Variants in PLCB4 observed in about 807,000 individuals in gnomAD.
PLCB4 encodes the protein 1-phosphatidylinositol 4,5-bisphosphate phosphodiesterase beta-4.
Under a neutral mutation model 178.8 loss-of-function variants are expected in PLCB4, and 77 were observed. The ratio of observed to expected loss-of-function variants is 0.43; its 90% CI spans 0.36 to 0.52. PLCB4 has a LOEUF of 0.52. PLCB4 is among the 20% of genes least tolerant of loss of function. The probability of loss-of-function intolerance (pLI) is 0.00; values close to 1 mark genes in which losing one functional copy is unlikely to be tolerated. For synonymous variants in PLCB4, 496 were observed against 490.8 expected (o/e 1.01, Z -0.14); for missense variants, 1,024 against 1,453.4 (o/e 0.70, Z 4.80).
At chr20:9,160,188 G>T (rs892283191) in intron 2 of PLCB4, among the ~76,000 whole-genome samples, 6 of 151,748 alleles carry the variant, frequency 4.0e-5, no homozygotes, top group Admixed American at 2.0e-4. Context: ...CTGGGAGTGT[G>T]GGGGGTGGGT....
chr20:9,150,045 A>G (rs763989998), intron 2 of PLCB4, among the ~76,000 whole-genome samples: 3 of 152,208 alleles, frequency 2.0e-5, no homozygotes, highest in Non-Finnish European at 2.9e-5. Context: ...GAGGACTGAC[A>G]GTTGAGGGCA....
intron 2 of PLCB4, among the ~76,000 whole-genome samples, chr20:9,143,628 T>A: frequency 6.6e-6 from 1 of 152,240 alleles, no homozygotes; most frequent in East Asian, 1.9e-4. Context: ...GAATTCACAT[T>A]GCAGTTTGGC....
At chr20:9,174,021 G>A (rs533931022) in intron 2 of PLCB4, among the ~76,000 whole-genome samples, 7 of 152,224 alleles carry the variant, frequency 4.6e-5, no homozygotes, top group African/African-American at 1.2e-4. Context: ...ACAAATTACC[G>A]TATCTAGGTA....
intron 1 of PLCB4, among the ~76,000 whole-genome samples, chr20:9,094,412 A>G (rs551478115): frequency 2.0e-5 from 3 of 151,982 alleles, no homozygotes; most frequent in Non-Finnish European, 2.9e-5. Context: ...TGCCTAAAGT[A>G]TTTCTTTTTT....
chr20:9,132,398 A>G (rs945265608), intron 2 of PLCB4, among the ~76,000 whole-genome samples: 1 of 152,158 alleles, frequency 6.6e-6, no homozygotes, highest in Admixed American at 6.5e-5. Flanking sequence ...TAAGGAAGCT[A>G]CCTTTAAGAG....
chr20:9,076,817 G>A (rs2089892187), intron 1 of PLCB4, among the ~76,000 whole-genome samples: 1 of 118,528 alleles, frequency 8.4e-6, no homozygotes, highest in Non-Finnish European at 1.8e-5. Context: ...AGCCCTCTCT[G>A]GGATTTCTTT....
intron 3 of PLCB4, among the ~76,000 whole-genome samples, chr20:9,268,397 T>C (rs2147601248): frequency 6.6e-6 from 1 of 152,296 alleles, no homozygotes; most frequent in East Asian, 1.9e-4. Flanking sequence ...ATTCCAAACA[T>C]AGCAGAATAA....
intron 14 of PLCB4, among the ~76,000 whole-genome samples, chr20:9,386,559 T>A (rs756913778): frequency 6.6e-6 from 1 of 152,116 alleles, no homozygotes; most frequent in Non-Finnish European, 1.5e-5. Flanking sequence ...TTTGCAAACT[T>A]CCTCTGAATA....
At chr20:9,293,430 AC>A (rs2094599971) in intron 3 of PLCB4, among the ~76,000 whole-genome samples, 1 of 151,282 alleles carries the variant, frequency 6.6e-6, no homozygotes, top group African/African-American at 2.4e-5. Flanking sequence ...GGAAGAAGTC[AC>A]TGCACTCCAG....
intron 2 of PLCB4, among the ~76,000 whole-genome samples, chr20:9,209,376 C>T (rs2093648297): frequency 6.6e-6 from 1 of 151,928 alleles, no homozygotes; most frequent in African/African-American, 2.4e-5. Flanking sequence ...CTAAGGTGGC[C>T]CCCCGAGACT....
At chr20:9,390,689 A>G (rs541209672) in intron 17 of PLCB4, 74 bp downstream of exon 17, 2 of 703,812 alleles carry the variant, frequency 2.8e-6, no homozygotes, top group Non-Finnish European at 5.2e-6. Context: ...GTCAAGTAGT[A>G]CTAGAGGACT....
At chr20:9,409,701 A>T (rs998092190) in intron 24 of PLCB4, among the ~76,000 whole-genome samples, 7 of 152,246 alleles carry the variant, frequency 4.6e-5, no homozygotes, top group African/African-American at 1.7e-4. Context: ...TTGAAGAGGT[A>T]CTAATCTATA....
intron 2 of PLCB4, among the ~76,000 whole-genome samples, chr20:9,158,548 C>T (rs902778795): frequency 3.3e-5 from 5 of 150,844 alleles, no homozygotes; most frequent in South Asian, 2.1e-4. Context: ...GGATTACAGG[C>T]GTGAGCCACT....
chr20:9,356,996 G>A (rs1306912469), intron 7 of PLCB4, among the ~76,000 whole-genome samples: 1 of 152,074 alleles, frequency 6.6e-6, no homozygotes, highest in Non-Finnish European at 1.5e-5. Flanking sequence ...CACACTTGTG[G>A]TCTCAGCTTC....
intron 2 of PLCB4, among the ~76,000 whole-genome samples, chr20:9,176,233 C>A (rs111654880): frequency 3.3e-5 from 5 of 152,278 alleles, no homozygotes; most frequent in African/African-American, 1.2e-4. Context: ...GCACATACTA[C>A]CACTTATTTA....
At chr20:9,419,675 T>G in intron 25 of PLCB4, 132 bp from the exon 26 acceptor site, 1 of 687,404 alleles carries the variant, frequency 1.5e-6, no homozygotes, top group Non-Finnish European at 2.6e-6. Context: ...TCTTCCATCC[T>G]TAGGACCCTC....
rs550058766 is a variant in PLCB4 at position 9,129,701 on chromosome 20, T to A, written c.-79+33359T>A. On this transcript the variant is annotated intron_variant, in intron 2 of 39. Transcript: ENST00000378473. The stretch of plus-strand genomic sequence containing the variant: ...CTGCCTTCCCACCCCATTCAAGTGA[T>A]GTTCCGAATAAAATTAAATCTGTTC... Among the ~76,000 whole-genome samples the A allele has an allele frequency of 6.7e-4, 102 of 152,298 alleles. 1 individual carries two copies. The highest frequency in any genetic ancestry group is 5.6e-3 in the South Asian group (27 of 4,818).
intron 3 of PLCB4, among the ~76,000 whole-genome samples, chr20:9,237,654 CAT>C (rs1418408627): frequency 6.6e-6 from 1 of 152,168 alleles, no homozygotes; most frequent in Non-Finnish European, 1.5e-5. Flanking sequence ...ATCCTGAGAA[CAT>C]AAACCAGTAG....
intron 2 of PLCB4, among the ~76,000 whole-genome samples, chr20:9,151,402 A>G (rs544789536): frequency 1.3e-5 from 2 of 152,062 alleles, no homozygotes; most frequent in Non-Finnish European, 2.9e-5. Flanking sequence ...AAATTTTATC[A>G]CCCAGAATTC....
Sources: allele counts gnomAD v4.1 joint callset (sites outside exome capture counted in the v4.1 genomes callset), GRCh38; gene constraint gnomAD v4.1.1; transcripts MANE v1.5; gene names NCBI Gene and HGNC (gene_info 2026-07-23, HGNC 2026-07-21).